RIF1: variants seen among roughly 807,000 people sequenced by gnomAD.
The protein encoded by RIF1 is telomere-associated protein RIF1.
Under a neutral mutation model 247.1 loss-of-function variants are expected in RIF1, and 45 were observed. The observed-to-expected ratio is 0.18, with a 90% confidence interval of 0.14 to 0.23. RIF1 has a LOEUF of 0.23. Among genes scored for constraint, RIF1 ranks in the 10% least tolerant of loss-of-function variants. The pLI is 1.00. For synonymous variants in RIF1, 1,087 were observed against 978.8 expected (o/e 1.11, Z -2.06); for missense variants, 2,967 against 2,862.5 (o/e 1.04, Z -0.83).
intron 10 of RIF1, chr2:151,499,247 CT>C (rs2062617366): frequency 2.0e-6 from 2 of 1,013,586 alleles, no homozygotes; most frequent in Admixed American, 2.5e-5. Context: ...AGCCATTAAT[CT>C]TTTTAAACAT....
intron 11 of RIF1, chr2:151,502,867 A>C (rs763873161): frequency 6.2e-7 from 1 of 1,602,508 alleles, no homozygotes; most frequent in Non-Finnish European, 8.5e-7. Context: ...CCTTTCCCCA[A>C]ATTTTCTTTG....
At chr2:151,502,987 T>G in intron 11 of RIF1, 1 of 681,382 alleles carries the variant, frequency 1.5e-6, no homozygotes, top group East Asian at 2.7e-5. Context: ...AGGCAGTTTT[T>G]TAGTAAGTAA....
intron 12 of RIF1, among the ~76,000 whole-genome samples, chr2:151,504,842 C>T (rs1190715899): frequency 6.6e-6 from 1 of 152,138 alleles, no homozygotes; most frequent in East Asian, 1.9e-4. Context: ...CAATAAACTG[C>T]ACAGGTGCCT....
chr2:151,515,119 GA>G, the RIF1 span, among the ~76,000 whole-genome samples: 7 of 152,146 alleles, frequency 4.6e-5, no homozygotes, highest in African/African-American at 1.7e-4. Flanking sequence ...TGGCCACAAG[GA>G]AATTCAGGCT....
At chr2:151,497,172 G>A (rs1248603907) in intron 10 of RIF1, 4 of 1,275,052 alleles carry the variant, frequency 3.1e-6, no homozygotes, top group Non-Finnish European at 4.3e-6. Context: ...CTGACAAAAT[G>A]CCACCGACTA....
intron 34 of RIF1, among the ~76,000 whole-genome samples, chr2:151,471,683 T>G (rs1176821855): frequency 1.1e-4 from 16 of 152,198 alleles, no homozygotes; most frequent in Admixed American, 9.2e-4. Flanking sequence ...TGGTTGTAGC[T>G]GTGTGGTATT....
intron 6 of RIF1, 78 bp downstream of exon 6, chr2:151,416,979 A>G (rs1687316422): frequency 9.2e-7 from 1 of 1,088,134 alleles, no homozygotes; most frequent in African/African-American, 1.6e-5. Context: ...TGGGATTTAA[A>G]TGAGAGACAG....
chr2:151,493,558 G>A, intron 9 of RIF1: 2 of 749,250 alleles, frequency 2.7e-6, no homozygotes, highest in Non-Finnish European at 4.2e-6. Flanking sequence ...CACACTGAAG[G>A]TAAAGCTATT....
At position 151,464,026 on chromosome 2, in the gene RIF1, T is replaced by TA. The variant is rs753360864; in HGVS notation, c.4514dup (p.Ala1506GlyfsTer4). Reference sequence around the variant, plus strand: ...GTGCTAATGCAGAAACTGAACAAAATAAAAAAAAGGCAGACCCTGAGAACA... The same window carrying TA: ...GTGCTAATGCAGAAACTGAACAAAATAAAAAAAAAGGCAGACCCTGAGAACA... On this transcript the variant is annotated frameshift_variant, in exon 30 of 36. Transcript: ENST00000444746. LOFTEE classifies it high-confidence loss of function. 8 of 1,607,330 alleles carry TA rather than the reference T, an allele frequency of 5.0e-6. No homozygotes were observed. The highest frequency in any genetic ancestry group is 3.4e-5 in the Admixed American group (2 of 58,268).
chr2:151,432,591 G>C (rs1053741081), intron 9 of RIF1, among the ~76,000 whole-genome samples: 1 of 152,128 alleles, frequency 6.6e-6, no homozygotes, highest in Non-Finnish European at 1.5e-5. Context: ...TTGACATAAT[G>C]TAAACATATG....
the RIF1 span, chr2:151,531,655 AC>A: frequency 1.4e-6 from 1 of 701,650 alleles, no homozygotes; most frequent in Non-Finnish European, 2.6e-6. Context: ...CCTGTGCATA[AC>A]AGGACATCTC....
chr2:151,456,671 T>A (rs780317950), intron 23 of RIF1, 51 bp downstream of exon 23: 2 of 1,040,228 alleles, frequency 1.9e-6, no homozygotes, highest in South Asian at 2.9e-5. Context: ...GAGAAAATGA[T>A]AGAGTTTAGA....
chr2:151,494,524 G>A (rs1368767334), intron 9 of RIF1, among the ~76,000 whole-genome samples: 1 of 152,132 alleles, frequency 6.6e-6, no homozygotes, highest in Admixed American at 6.6e-5. Context: ...TCATTTTACC[G>A]CTAGTCTCTC....
chr2:151,510,519 C>T (rs532173583), downstream of RIF1, among the ~76,000 whole-genome samples: 17 of 152,328 alleles, frequency 1.1e-4, no homozygotes, highest in East Asian at 1.9e-4. Flanking sequence ...TCACTTTCCA[C>T]GGTTTCAGTT....
downstream of RIF1, chr2:151,512,802 G>A (rs2075497663): frequency 6.2e-7 from 1 of 1,613,508 alleles, no homozygotes; most frequent in African/African-American, 1.3e-5. Context: ...AAGTGAAATT[G>A]GCTTTCTCCA....
chr2:151,410,393 C>T (rs765790597), intron 1 of RIF1, 21 bp from the exon 2 acceptor site: 102 of 1,595,992 alleles, frequency 6.4e-5, no homozygotes, highest in Non-Finnish European at 8.6e-5. Flanking sequence ...GGATTTTCTC[C>T]TCTTCCGGTT....
chr2:151,446,860 C>T lies in RIF1; in HGVS notation c.2244+285C>T, dbSNP rs1693360221. Reference sequence around the variant, plus strand: ...AAGGGCCTTGCTCTCCTGGACCTCACTTTCTCATACGTATCTGTTAGATCT... The same window carrying T: ...AAGGGCCTTGCTCTCCTGGACCTCATTTTCTCATACGTATCTGTTAGATCT... On this transcript the variant is annotated intron_variant, in intron 20 of 35. Coordinates refer to ENST00000444746, the MANE Select transcript of RIF1 (RefSeq NM_018151.5). Among the ~76,000 whole-genome samples the T allele has an allele frequency of 2.0e-5, 3 of 151,946 alleles. No individual in the cohort carries two copies. The South Asian group carries it at 6.2e-4, about 31-fold the overall frequency.
At chr2:151,429,259 C>G (rs1007936195) in intron 9 of RIF1, among the ~76,000 whole-genome samples, 1 of 152,100 alleles carries the variant, frequency 6.6e-6, no homozygotes, top group African/African-American at 2.4e-5. Flanking sequence ...TGGTTCACTG[C>G]GACCCCCGCC....
Position 151,455,136 on chromosome 2 carries a change from G to A in RIF1, c.2586G>A (p.Leu862=). ...TATTTGCAACTTTAACAAGACCTCT[G>A]GCATTATTTTATGAAAACTCAAAGT... The part of the protein sequence containing the change: ...RKIFATLTRP[L]ALFYENSKLD... The change falls in exon 22 of 36, where the codon CTG becomes CTA. Residue 862 remains leucine (L), a synonymous_variant. Coordinates refer to ENST00000444746, the MANE Select transcript of RIF1 (RefSeq NM_018151.5). 3.7e-6 allele frequency: 6 copies of A among 1,610,198 alleles called. No homozygotes were observed. The highest frequency in any genetic ancestry group is 4.2e-6 in the Non-Finnish European group (5 of 1,178,272).
Sources: allele counts gnomAD v4.1 joint callset (sites outside exome capture counted in the v4.1 genomes callset), GRCh38; gene constraint gnomAD v4.1.1; transcripts MANE v1.5; gene names NCBI Gene and HGNC (gene_info 2026-07-23, HGNC 2026-07-21).